The following GCA variants were observed in gnomAD, a reference collection of about 807,000 sequenced individuals.
The protein encoded by GCA is grancalcin, also known as grancalcin, EF-hand calcium-binding protein.
Under a neutral mutation model 32.6 loss-of-function variants are expected in GCA, and 30 were observed. The observed-to-expected ratio is 0.92, with a 90% CI of 0.69 to 1.25. GCA has a LOEUF of 1.25. GCA is among the 50% of genes most tolerant of loss of function. The pLI, the probability that GCA is intolerant of heterozygous loss-of-function variation, is 0.00. For missense variants in GCA, 291 were observed against 266.8 expected (o/e 1.09, Z -0.63); for synonymous variants, 102 against 84.6 (o/e 1.21, Z -1.13).
Position 162,356,921 on chromosome 2 carries a change from T to C in GCA, c.454+16T>C, listed in dbSNP as rs760244548. The stretch of plus-strand genomic sequence containing the variant: ...GGTCTTATGGGTAAGAACATTAACA[T>C]TCTTTAGAATCTATAAAGCTAATCT... On this transcript the variant is annotated intron_variant, in intron 5 of 7. Coordinates refer to ENST00000437150, the MANE Select transcript of GCA (RefSeq NM_012198.5). 3 of 1,552,948 alleles carry C rather than the reference T, an allele frequency of 1.9e-6. No homozygotes were observed. The highest frequency in any genetic ancestry group is 1.1e-5 in the South Asian group (1 of 88,246).
chr2:162,327,627 T>C (rs1347527291), intron 1 of GCA, among the ~76,000 whole-genome samples: 2 of 152,304 alleles, frequency 1.3e-5, no homozygotes, highest in East Asian at 3.9e-4. Flanking sequence ...GGTCAGCCTT[T>C]GGCTGCTGCA....
At chr2:162,349,245 C>T (rs1684864338) in intron 2 of GCA, among the ~76,000 whole-genome samples, 1 of 151,948 alleles carries the variant, frequency 6.6e-6, no homozygotes, top group Non-Finnish European at 1.5e-5. Context: ...AAATAATTAA[C>T]AGTTTATCTA....
chr2:162,356,526 G>A (rs1180564277), intron 4 of GCA, 45 bp downstream of exon 4: 2 of 1,184,874 alleles, frequency 1.7e-6, no homozygotes, highest in Admixed American at 3.5e-5. Context: ...AAGAGTAATT[G>A]CTTTCTGACT....
chr2:162,336,842 G>A (rs1251345294), intron 1 of GCA, among the ~76,000 whole-genome samples: 1 of 151,922 alleles, frequency 6.6e-6, no homozygotes, highest in Non-Finnish European at 1.5e-5. Flanking sequence ...GCAGGGTTGG[G>A]AATTTAAGTT....
intron 1 of GCA, among the ~76,000 whole-genome samples, chr2:162,330,954 A>T (rs1412294081): frequency 7.2e-5 from 11 of 152,214 alleles, no homozygotes; most frequent in African/African-American, 2.4e-4. Context: ...CTGTTTAAAG[A>T]CATTTTATTT....
In GCA at chr2:162,361,885, A is replaced by G; in HGVS notation, c.*1642A>G. The G allele has an allele frequency of 2.0e-6, 2 of 984,618 alleles. No individual in the cohort carries two copies. Among genetic ancestry groups the G allele is most frequent in the Non-Finnish European group, 2.4e-6 (2 of 829,366 alleles). 61.0% of individuals were successfully genotyped at this position (984,618 alleles called of 1,614,324 possible). On this transcript the variant is annotated 3_prime_UTR_variant, in exon 8 of 8. Transcript: ENST00000437150. ...GTGATAATGTCGCTCAGCAACCTGT[A>G]ATCTTAACATCCAGGTTATACAGAT... is the stretch of plus-strand genomic sequence containing the variant.
chr2:162,362,081 T>A lies in GCA; in HGVS notation c.*1838T>A. ...CAATTTTCATTTAAAAATGTTCTTA[T>A]GACTTTTGGTCATAGAAGGTCTATG... On this transcript the variant is annotated 3_prime_UTR_variant, in exon 8 of 8. Coordinates refer to ENST00000437150, the MANE Select transcript of GCA (RefSeq NM_012198.5). 1 of 983,410 alleles carries A rather than the reference T, an allele frequency of 1.0e-6. No homozygotes were observed. The highest frequency in any genetic ancestry group is 1.2e-6 in the Non-Finnish European group (1 of 828,254). 60.9% of individuals were successfully genotyped at this position (983,410 alleles called of 1,614,324 possible). A position where few individuals can be genotyped will look rare whatever the true frequency, so the allele number is the denominator to read the frequency against.
downstream of GCA, chr2:162,372,168 A>C (rs1254257197): frequency 8.3e-7 from 1 of 1,206,188 alleles, no homozygotes; most frequent in Non-Finnish European, 1.2e-6. Flanking sequence ...ACACTAATAA[A>C]AACTTAAGCA....
At chr2:162,337,657 A>G (rs1452199476) in intron 1 of GCA, among the ~76,000 whole-genome samples, 1 of 152,186 alleles carries the variant, frequency 6.6e-6, no homozygotes, top group Non-Finnish European at 1.5e-5. Flanking sequence ...ATAACTGATC[A>G]TGGGTCGTCA....
In GCA at chr2:162,349,334, A is replaced by G. The variant is rs146947006; in HGVS notation, c.192+1592A>G. ...TATTAAAGGATTGAAAAGAGGGTGT[A>G]TTGATGTTTATCTCCTGTTGTTGAA... On this transcript the variant is annotated intron_variant, in intron 2 of 7. Transcript: ENST00000437150. Among the ~76,000 whole-genome samples the G allele has an allele frequency of 5.1e-3, 774 of 151,738 alleles. 10 individuals are homozygous for G. The highest frequency in any genetic ancestry group is 0.018 in the African/African-American group (733 of 41,354).
rs1685613350 is a variant in GCA at position 162,362,445 on chromosome 2, T to C, written c.*2202T>C. On this transcript the variant is annotated 3_prime_UTR_variant, in exon 8 of 8. Transcript: ENST00000437150. ...GCTTTAAAAATAACTGATATTTTTA[T>C]GATGAACATGACTGTAATATGAATA... 1.2e-5 allele frequency: 12 copies of C among 962,092 alleles called. No individual in the cohort carries two copies. The highest frequency in any genetic ancestry group is 1.4e-5 in the Non-Finnish European group (11 of 808,912). The allele number at this position is 962,092 out of a possible 1,614,324, so 59.6% of individuals were successfully genotyped here.
intron 2 of GCA, among the ~76,000 whole-genome samples, chr2:162,348,450 G>A (rs1250224587): frequency 1.3e-5 from 2 of 152,074 alleles, no homozygotes; most frequent in East Asian, 3.8e-4. Context: ...ATCATTTATA[G>A]TAATTTTGAT....
chr2:162,341,981 ATAAAG>A (rs1020849037), upstream of GCA, among the ~76,000 whole-genome samples: 8 of 152,348 alleles, frequency 5.3e-5, no homozygotes, highest in African/African-American at 9.6e-5. Context: ...AACTATTTTT[ATAAAG>A]TAAAGAAGGA....
intron 4 of GCA, among the ~76,000 whole-genome samples, chr2:162,368,336 T>A (rs907621019): frequency 9.2e-5 from 14 of 152,136 alleles, no homozygotes; most frequent in African/African-American, 3.4e-4. Context: ...TTACATATAT[T>A]TATCTATTTT....
upstream of GCA, among the ~76,000 whole-genome samples, chr2:162,341,807 G>C (rs894458852): frequency 6.6e-6 from 1 of 152,156 alleles, no homozygotes; most frequent in Non-Finnish European, 1.5e-5. Context: ...CATACTCTCA[G>C]ATTTGCTAGT....
downstream of GCA, among the ~76,000 whole-genome samples, chr2:162,366,695 C>T (rs891319913): frequency 5.9e-5 from 9 of 151,804 alleles, no homozygotes; most frequent in African/African-American, 2.2e-4. Context: ...ACTTTGGGAA[C>T]ATTTGAGGCA....
At chr2:162,323,695 G>C (rs1490371880) in intron 1 of GCA, among the ~76,000 whole-genome samples, 23 of 151,750 alleles carry the variant, frequency 1.5e-4, no homozygotes, top group South Asian at 2.1e-4. Context: ...TTTTTCTCAG[G>C]TTTGTCAAAG....
Position 162,320,169 on chromosome 2 carries a change from G to A in GCA, c.-31+944G>A, listed in dbSNP as rs369745203. On this transcript the variant is annotated intron_variant, in intron 1 of 4. Coordinates refer to the GCA transcript ENST00000429691. ...AATGTTAAATACACTGAAAGTTGAA[G>A]TAAATGAAACCTTGGGCTTGCAGGT... Among the ~76,000 whole-genome samples, 41 of 152,310 alleles carry A rather than the reference G, an allele frequency of 2.7e-4. 1 individual carries two copies. The highest frequency in any genetic ancestry group is 9.1e-4 in the African/African-American group (38 of 41,576).
upstream of GCA, among the ~76,000 whole-genome samples, chr2:162,339,860 A>G (rs1203449082): frequency 1.3e-5 from 2 of 152,210 alleles, no homozygotes; most frequent in Non-Finnish European, 2.9e-5. Flanking sequence ...CACACAGCCT[A>G]TGGTATTTTG....
Sources: allele counts gnomAD v4.1 joint callset (sites outside exome capture counted in the v4.1 genomes callset), GRCh38; gene constraint gnomAD v4.1.1; transcripts MANE v1.5; gene names NCBI Gene and HGNC (gene_info 2026-07-23, HGNC 2026-07-21).